ARHGEF38: variants seen among roughly 807,000 people sequenced by gnomAD.
ARHGEF38 encodes the protein Rho guanine nucleotide exchange factor (GEF) 38.
In ARHGEF38, 79 loss-of-function variants were observed where a neutral mutation model predicts 79.9. The ratio of observed to expected loss-of-function variants is 0.99; its 90% CI spans 0.82 to 1.19. The LOEUF (loss-of-function observed/expected upper bound fraction) is 1.19. Ranked by LOEUF, ARHGEF38 falls within the 50% of genes most tolerant of loss-of-function variation. ARHGEF38 has a pLI of 0.00. For missense variants in ARHGEF38, 962 were observed against 907.2 expected (o/e 1.06, Z -0.78); for synonymous variants, 366 against 328.3 (o/e 1.11, Z -1.24).
At chr4:105,629,212 T>A (rs1307058983) in intron 3 of ARHGEF38, among the ~76,000 whole-genome samples, 1 of 152,138 alleles carries the variant, frequency 6.6e-6, no homozygotes, top group Non-Finnish European at 1.5e-5. Flanking sequence ...TCCAAGTGCA[T>A]CACCTCATAC....
chr4:105,623,280 GT>G (rs1728814459), intron 3 of ARHGEF38, among the ~76,000 whole-genome samples: 1 of 152,214 alleles, frequency 6.6e-6, no homozygotes, highest in Non-Finnish European at 1.5e-5. Flanking sequence ...GGAGGTGATT[GT>G]TGTTACTGTC....
At chr4:105,574,473 C>A (rs916639338) in intron 1 of ARHGEF38, among the ~76,000 whole-genome samples, 2 of 151,686 alleles carry the variant, frequency 1.3e-5, no homozygotes, top group Non-Finnish European at 2.9e-5. Flanking sequence ...TCGCTTGACC[C>A]CAGGTGGCAG....
chr4:105,584,123 C>T lies in ARHGEF38; in HGVS notation c.197-5125C>T, dbSNP rs993516558. Among the ~76,000 whole-genome samples, 6 of 152,138 alleles carry T rather than the reference C, an allele frequency of 3.9e-5. 1 individual carries two copies. The highest frequency in any genetic ancestry group is 1.3e-4 in the Admixed American group (2 of 15,276). Reference sequence around the variant, plus strand: ...AACAGCAGTGTCTGACACAATTATGCTGTTGTTACAAAAAAGATCCCCACT... The same window carrying T: ...AACAGCAGTGTCTGACACAATTATGTTGTTGTTACAAAAAAGATCCCCACT... On this transcript the variant is annotated intron_variant, in intron 1 of 13. Coordinates refer to ENST00000420470, the MANE Select transcript of ARHGEF38 (RefSeq NM_001242729.2).
intron 1 of ARHGEF38, among the ~76,000 whole-genome samples, chr4:105,557,476 T>A (rs1725305770): frequency 6.6e-6 from 1 of 152,052 alleles, no homozygotes; most frequent in African/African-American, 2.4e-5. Context: ...ACTGAATGTT[T>A]GTATTCCTCT....
chr4:105,565,838 C>A (rs559685707), intron 1 of ARHGEF38, among the ~76,000 whole-genome samples: 2 of 152,298 alleles, frequency 1.3e-5, no homozygotes, highest in East Asian at 3.9e-4. Flanking sequence ...ATCTGAGAGT[C>A]AGCTTTGACT....
chr4:105,659,433 C>A (rs989505331), intron 10 of ARHGEF38, 68 bp downstream of exon 10: 3 of 1,428,136 alleles, frequency 2.1e-6, no homozygotes, highest in Non-Finnish European at 2.8e-6. Context: ...CACACCCATA[C>A]GAAAGCCCTG....
At chr4:105,592,958 C>G (rs1727409389) in intron 2 of ARHGEF38, among the ~76,000 whole-genome samples, 1 of 152,060 alleles carries the variant, frequency 6.6e-6, no homozygotes, top group Non-Finnish European at 1.5e-5. Flanking sequence ...AGGTTTTACT[C>G]CAGTCTGTGT....
chr4:105,554,877 T>G (rs1381108412), intron 1 of ARHGEF38, among the ~76,000 whole-genome samples: 2 of 152,190 alleles, frequency 1.3e-5, no homozygotes, highest in Non-Finnish European at 2.9e-5. Flanking sequence ...AATTCTTTTT[T>G]GTCCTTTGAT....
At chr4:105,577,377 CTT>C (rs992195262) in intron 1 of ARHGEF38, among the ~76,000 whole-genome samples, 1 of 150,622 alleles carries the variant, frequency 6.6e-6, no homozygotes, top group Non-Finnish European at 1.5e-5. Flanking sequence ...TTGCGATAGT[CTT>C]TTTTTATTAT....
intron 13 of ARHGEF38, among the ~76,000 whole-genome samples, chr4:105,671,217 T>C (rs1020199543): frequency 2.6e-5 from 4 of 152,206 alleles, no homozygotes; most frequent in African/African-American, 9.6e-5. Flanking sequence ...AAAACTGGAT[T>C]GAAGATGCAT....
intron 10 of ARHGEF38, among the ~76,000 whole-genome samples, chr4:105,664,832 C>T (rs1730691708): frequency 6.6e-6 from 1 of 151,988 alleles, no homozygotes; most frequent in South Asian, 2.1e-4. Context: ...GAGAGGGTGA[C>T]TTGATAGGAG....
At chr4:105,651,290 T>C (rs1432377129) in intron 7 of ARHGEF38, among the ~76,000 whole-genome samples, 1 of 152,220 alleles carries the variant, frequency 6.6e-6, no homozygotes, top group Non-Finnish European at 1.5e-5. Flanking sequence ...ATCAGCTGCA[T>C]AGGCTGGACG....
chr4:105,613,342 T>A, intron 2 of ARHGEF38, 42 bp from the exon 3 acceptor site: 1 of 1,601,008 alleles, frequency 6.2e-7, no homozygotes, highest in East Asian at 2.2e-5. Context: ...ACATCCTAAA[T>A]ACAGTGCTTC....
chr4:105,553,945 A>C (rs747093096), intron 1 of ARHGEF38, among the ~76,000 whole-genome samples: 2 of 152,194 alleles, frequency 1.3e-5, no homozygotes, highest in African/African-American at 2.4e-5. Context: ...CTTTCCACAA[A>C]TATGAGCTTA....
chr4:105,597,400 T>C (rs1248391397), intron 2 of ARHGEF38, among the ~76,000 whole-genome samples: 2 of 152,224 alleles, frequency 1.3e-5, no homozygotes, highest in Non-Finnish European at 2.9e-5. Context: ...TAAAAGACAT[T>C]TACTGTTTCC....
At chr4:105,650,396 G>T (rs920540460) in intron 7 of ARHGEF38, among the ~76,000 whole-genome samples, 1 of 152,028 alleles carries the variant, frequency 6.6e-6, no homozygotes, top group Non-Finnish European at 1.5e-5. Flanking sequence ...TACACACCAA[G>T]CCAATATCTC....
intron 1 of ARHGEF38, among the ~76,000 whole-genome samples, chr4:105,562,748 T>A (rs977556913): frequency 6.6e-6 from 1 of 152,194 alleles, no homozygotes. Flanking sequence ...AACAAGGGCC[T>A]GAAGTATACT....
intron 13 of ARHGEF38, among the ~76,000 whole-genome samples, chr4:105,668,799 G>A (rs2110580110): frequency 6.6e-6 from 1 of 152,234 alleles, no homozygotes; most frequent in Middle Eastern, 3.4e-3. Context: ...TGTAATCCCA[G>A]CATTTTGTGA....
intron 2 of ARHGEF38, among the ~76,000 whole-genome samples, chr4:105,591,783 C>G (rs1041428059): frequency 8.5e-5 from 13 of 152,082 alleles, no homozygotes; most frequent in Non-Finnish European, 4.4e-5. Context: ...CCCACAGTTC[C>G]CACGCCAGAA....
Sources: allele counts gnomAD v4.1 joint callset (sites outside exome capture counted in the v4.1 genomes callset), GRCh38; gene constraint gnomAD v4.1.1; transcripts MANE v1.5; gene names NCBI Gene and HGNC (gene_info 2026-07-23, HGNC 2026-07-21).